PSD2: variants seen among roughly 807,000 people sequenced by gnomAD.
The protein encoded by PSD2 is pleckstrin and Sec7 domain containing 2.
Under a neutral mutation model 69.8 loss-of-function variants are expected in PSD2, and 38 were observed. The observed-to-expected ratio is 0.54, with a 90% CI of 0.42 to 0.71. The LOEUF (loss-of-function observed/expected upper bound fraction) is 0.71, where lower values mean the gene tolerates loss of function less well. PSD2 is among the 30% of genes least tolerant of loss of function. PSD2 has a pLI of 0.00. For synonymous variants in PSD2, 412 were observed against 423.0 expected (o/e 0.97, Z 0.32); for missense variants, 943 against 1,014.5 (o/e 0.93, Z 0.96).
intron 1 of PSD2, among the ~76,000 whole-genome samples, chr5:139,807,627 C>T (rs1759844965): frequency 6.6e-6 from 1 of 151,998 alleles, no homozygotes; most frequent in African/African-American, 2.4e-5. Flanking sequence ...TATCAAAATT[C>T]TAGGAGGTGA....
At chr5:139,838,350 C>T (rs544282479) in intron 12 of PSD2, among the ~76,000 whole-genome samples, 102 of 152,302 alleles carry the variant, frequency 6.7e-4, no homozygotes, top group African/African-American at 2.4e-3. Flanking sequence ...CAGTCACTCC[C>T]ACCTATTCAC....
the PSD2 span, among the ~76,000 whole-genome samples, chr5:139,747,634 C>G: frequency 6.6e-6 from 1 of 152,226 alleles, no homozygotes; most frequent in Admixed American, 6.5e-5. The surrounding 1 kb of genome is among the most constrained non-coding windows in gnomAD (Gnocchi z 6.7). Flanking sequence ...CGGCCCTGCC[C>G]GCAGCCCGGC....
intron 1 of PSD2, among the ~76,000 whole-genome samples, chr5:139,807,735 A>C: frequency 6.6e-6 from 1 of 152,288 alleles, no homozygotes; most frequent in Middle Eastern, 3.4e-3. Context: ...TTAACTGGAC[A>C]GTGGTGGTTG....
chr5:139,830,529 C>T (rs182420634), intron 7 of PSD2, among the ~76,000 whole-genome samples: 23 of 115,846 alleles, frequency 2.0e-4, no homozygotes, highest in Middle Eastern at 3.8e-3. Context: ...TTTCTTCCTT[C>T]CTTCCTTCCT....
At chr5:139,788,522 G>C in the PSD2 span, among the ~76,000 whole-genome samples, 1 of 152,176 alleles carries the variant, frequency 6.6e-6, no homozygotes, top group Non-Finnish European at 1.5e-5. Context: ...AGAGACTGGG[G>C]GGGGCACAAG....
At chr5:139,821,081 C>T (rs1392381848) in intron 5 of PSD2, among the ~76,000 whole-genome samples, 3 of 152,092 alleles carry the variant, frequency 2.0e-5, no homozygotes, top group Non-Finnish European at 4.4e-5. Flanking sequence ...TACAGGCATG[C>T]GCCACCACAC....
the PSD2 span, among the ~76,000 whole-genome samples, chr5:139,775,697 GAGC>G: frequency 6.6e-6 from 1 of 151,968 alleles, no homozygotes; most frequent in Admixed American, 6.6e-5. Context: ...TTGTGAGAGA[GAGC>G]TCTTATCGCC....
At chr5:139,760,876 A>G in the PSD2 span, among the ~76,000 whole-genome samples, 1 of 152,326 alleles carries the variant, frequency 6.6e-6, no homozygotes, top group South Asian at 2.1e-4. Flanking sequence ...AATGAAAATA[A>G]TGATAACAAC....
At chr5:139,807,814 A>T (rs1759850266) in intron 1 of PSD2, among the ~76,000 whole-genome samples, 1 of 152,106 alleles carries the variant, frequency 6.6e-6, no homozygotes, top group Non-Finnish European at 1.5e-5. Flanking sequence ...TTGTTCTCTA[A>T]GTGAGACTTT....
intron 1 of PSD2, among the ~76,000 whole-genome samples, chr5:139,799,553 G>A (rs1166280733): frequency 6.6e-6 from 1 of 152,188 alleles, no homozygotes; most frequent in Non-Finnish European, 1.5e-5. Context: ...ACCACTGAAG[G>A]GTTTTGAAGA....
At chr5:139,755,427 G>A in the PSD2 span, among the ~76,000 whole-genome samples, 1 of 152,154 alleles carries the variant, frequency 6.6e-6, no homozygotes, top group African/African-American at 2.4e-5. Flanking sequence ...TTTGGGACAT[G>A]TTATGGGGTG....
At position 139,814,175 on chromosome 5, in the gene PSD2, C is replaced by G; in HGVS notation, c.827C>G (p.Pro276Arg). 6.2e-7 allele frequency: 1 copy of G among 1,613,276 alleles called. No individual in the cohort carries two copies. The highest frequency in any genetic ancestry group is 1.3e-5 in the African/African-American group (1 of 74,992). ...TDKLLNSASD[P>R]SLKDGLSDSD... ...CACCCACCTTCCATCTGCAGTGACC[C>G]CAGCCTGAAGGATGGCCTGTCAGAC... The change falls in exon 4 of 15, where the codon CCC (proline) becomes CGC (arginine). Residue 276 changes from proline to arginine, a missense_variant. Physicochemically the swap from Pro to Arg is moderately radical, Grantham distance 103 (BLOSUM62 -2). Around this residue, in one of 3 missense-constraint regions of PSD2, gnomAD observed 466 missense variants for 445.0 expected, o/e 1.05. Coordinates refer to ENST00000274710, the MANE Select transcript of PSD2 (RefSeq NM_032289.4). The surrounding 1 kb of genome is among the most constrained non-coding windows in gnomAD (Gnocchi z 4.4).
chr5:139,805,345 C>T (rs1332112651), intron 1 of PSD2, among the ~76,000 whole-genome samples: 2 of 152,220 alleles, frequency 1.3e-5, no homozygotes, highest in Admixed American at 6.5e-5. Context: ...TTTGTGACTC[C>T]GAGCAGTTCC....
chr5:139,827,350 G>A (rs575707812), intron 7 of PSD2, among the ~76,000 whole-genome samples: 2 of 152,200 alleles, frequency 1.3e-5, no homozygotes, highest in African/African-American at 2.4e-5. Context: ...ACATAAAATC[G>A]GACCAATTAG....
chr5:139,813,528 G>A lies in PSD2; in HGVS notation c.591G>A (p.Gly197=), dbSNP rs755858450. ...RARDSPEPGA[G]LGIGDMAFEG... ...GTGACAGCCCTGAGCCAGGGGCTGG[G>A]TTGGGCATTGGGGACATGGCGTTTG... The change falls in exon 3 of 15, where the codon GGG becomes GGA. Residue 197 remains glycine, a synonymous_variant. Coordinates refer to ENST00000274710, the MANE Select transcript of PSD2 (RefSeq NM_032289.4). The A allele has an allele frequency of 2.5e-6, 4 of 1,611,020 alleles. No homozygotes were observed. The highest frequency in any genetic ancestry group is 3.4e-6 in the Non-Finnish European group (4 of 1,177,518).
At chr5:139,757,985 G>A in the PSD2 span, among the ~76,000 whole-genome samples, 1 of 152,330 alleles carries the variant, frequency 6.6e-6, no homozygotes, top group East Asian at 1.9e-4. Flanking sequence ...AGGTTGCAGT[G>A]AGCTAGGATT....
chr5:139,766,335 A>G, the PSD2 span, among the ~76,000 whole-genome samples: 1 of 151,908 alleles, frequency 6.6e-6, no homozygotes, highest in Non-Finnish European at 1.5e-5. Flanking sequence ...TTGTTGATGG[A>G]CCTACCCTTC....
the PSD2 span, among the ~76,000 whole-genome samples, chr5:139,788,034 A>G: frequency 6.6e-6 from 1 of 152,168 alleles, no homozygotes; most frequent in South Asian, 2.1e-4. Flanking sequence ...GACCCATATG[A>G]CCTGTATTCG....
chr5:139,766,017 C>CTG, the PSD2 span, among the ~76,000 whole-genome samples: 1 of 152,232 alleles, frequency 6.6e-6, no homozygotes, highest in Non-Finnish European at 1.5e-5. Context: ...GGGGTGACGG[C>CTG]AAGCCAGGCC....
Sources: gnomAD v4.1 joint callset for allele counts (sites outside exome capture counted in the v4.1 genomes callset) on GRCh38, gnomAD v4.1.1 for gene constraint, gnomAD v4.1.1 regional missense constraint, Gnocchi (gnomAD v3.1) non-coding constraint, MANE v1.5 for transcripts, NCBI Gene and HGNC (gene_info 2026-07-23, HGNC 2026-07-21) for gene names.